Variants in POU2F1 observed in about 807,000 individuals in gnomAD.
The protein encoded by POU2F1 is POU domain, class 2, transcription factor 1.
A neutral mutation model predicts 84.9 loss-of-function variants in POU2F1; 16 were observed. The observed-to-expected ratio is 0.19, with a 90% CI of 0.13 to 0.29. POU2F1 has a LOEUF of 0.29. Ranked by LOEUF, POU2F1 falls within the 10% of genes least tolerant of loss-of-function variation. The probability of loss-of-function intolerance (pLI) is 1.00; values close to 1 mark genes in which losing one functional copy is unlikely to be tolerated. For synonymous variants in POU2F1, 368 were observed against 368.3 expected, an observed-to-expected ratio of 1.00 and a Z score of 0.01; for missense variants, 738 against 942.6, an observed-to-expected ratio of 0.78 and a Z score of 2.84.
rs1361904733 is a variant in POU2F1 at position 167,421,332 on chromosome 1, C to T, written c.*5522C>T. ...AATAAATTGCTTTCATCATAAAGGC[C>T]AATCATCCATTTCTTAGTCCAAGGA... is the stretch of plus-strand genomic sequence containing the variant. On this transcript the variant is annotated 3_prime_UTR_variant, in exon 16 of 16. Transcript: ENST00000367866. The T allele has an allele frequency of 6.6e-6, 1 of 152,126 alleles. No individual in the cohort carries two copies. Among genetic ancestry groups the T allele is most frequent in the Non-Finnish European group, 1.5e-5 (1 of 68,030 alleles). 9.4% of individuals were successfully genotyped at this position (152,126 alleles called of 1,614,324 possible). A position where few individuals can be genotyped will look rare whatever the true frequency, so the allele number is the denominator to read the frequency against.
chr1:167,353,931 T>C (rs1658764006), intron 2 of POU2F1, among the ~76,000 whole-genome samples: 1 of 152,228 alleles, frequency 6.6e-6, no homozygotes, highest in African/African-American at 2.4e-5. Context: ...GTGACATTGC[T>C]TTTCACTCAA....
intron 2 of POU2F1, among the ~76,000 whole-genome samples, chr1:167,358,282 A>C (rs948125773): frequency 6.6e-6 from 1 of 151,806 alleles, no homozygotes; most frequent in Non-Finnish European, 1.5e-5. Flanking sequence ...AATATTTTAT[A>C]TTAGTAGATT....
intron 1 of POU2F1, among the ~76,000 whole-genome samples, chr1:167,305,599 A>G (rs954377312): frequency 6.6e-6 from 1 of 152,218 alleles, no homozygotes; most frequent in Non-Finnish European, 1.5e-5. Flanking sequence ...TTTTAGTTAC[A>G]TGAATTTTAG....
intron 1 of POU2F1, among the ~76,000 whole-genome samples, chr1:167,250,071 C>A (rs1650607196): frequency 6.6e-6 from 1 of 151,824 alleles, no homozygotes; most frequent in African/African-American, 2.4e-5. Flanking sequence ...GTATCAAATT[C>A]TTTTGTGTGT....
At chr1:167,225,029 G>T (rs1335246461) in intron 1 of POU2F1, among the ~76,000 whole-genome samples, 1 of 151,622 alleles carries the variant, frequency 6.6e-6, no homozygotes, top group African/African-American at 2.4e-5. Context: ...GGGTTTCACC[G>T]TGTTGGCCAG....
intron 1 of POU2F1, among the ~76,000 whole-genome samples, chr1:167,252,113 C>T (rs183843608): frequency 7.9e-5 from 12 of 152,128 alleles, no homozygotes; most frequent in South Asian, 2.1e-4. Context: ...CCACCTGCCT[C>T]GGCCTCCCAA....
At position 167,424,911 on chromosome 1, in the gene POU2F1, C is replaced by CCT. The variant is rs1373829604; in HGVS notation, c.*9103_*9104dup. The CCT allele has an allele frequency of 1.3e-5, 2 of 152,126 alleles. No individual in the cohort carries two copies. Among genetic ancestry groups the CCT allele is most frequent in the African/African-American group, 4.8e-5 (2 of 41,408 alleles). The allele number at this position is 152,126 out of a possible 1,614,324, so 9.4% of individuals were successfully genotyped here. ...GAGGCCAACCCCTTCTCCTCTGAGG[C>CCT]CTCAGGGTTCTGTTTCTTTTCAGGA... On this transcript the variant is annotated 3_prime_UTR_variant, in exon 16 of 16. Coordinates refer to ENST00000367866, the MANE Select transcript of POU2F1 (RefSeq NM_002697.4).
Position 167,370,201 on chromosome 1 carries a change from C to A in POU2F1, c.269C>A (p.Ser90Tyr). 6.2e-7 allele frequency: 1 copy of A among 1,604,402 alleles called. No homozygotes were observed. Among genetic ancestry groups the A allele is most frequent in the Non-Finnish European group, 8.5e-7 (1 of 1,173,450 alleles). ...AGTSLQAAAQ[S>Y]LNVQSKSNEE... ...ACAAGTTTACAGGCTGCTGCTCAGT[C>A]TTTAAATGTACAGGTAAGCTGGGAC... The change falls in exon 4 of 16, where the codon TCT becomes TAT. Residue 90 changes from serine to tyrosine, a missense_variant. Ser to Tyr is a moderately radical substitution (Grantham distance 144, BLOSUM62 -2). Around this residue, in one of 4 missense-constraint regions of POU2F1, gnomAD observed 161 missense variants for 147.0 expected, o/e 1.10. Coordinates refer to ENST00000367866, the MANE Select transcript of POU2F1 (RefSeq NM_002697.4).
At chr1:167,316,676 T>G (rs545163706) in intron 1 of POU2F1, among the ~76,000 whole-genome samples, 1 of 152,332 alleles carries the variant, frequency 6.6e-6, no homozygotes, top group Admixed American at 6.5e-5. Context: ...GTTACCCTTG[T>G]GGTGTCACAC....
chr1:167,393,126 G>C (rs75461314), intron 9 of POU2F1, among the ~76,000 whole-genome samples: 1 of 151,900 alleles, frequency 6.6e-6, no homozygotes, highest in Non-Finnish European at 1.5e-5. Flanking sequence ...TTCCTTTTTT[G>C]TTATGTTCTT....
intron 2 of POU2F1, among the ~76,000 whole-genome samples, chr1:167,343,582 C>T (rs1657995829): frequency 1.4e-5 from 2 of 146,102 alleles, no homozygotes; most frequent in African/African-American, 5.1e-5. Flanking sequence ...CAATTAGATC[C>T]ATTATATAAC....
chr1:167,398,956 A>G (rs928260162), intron 11 of POU2F1, among the ~76,000 whole-genome samples: 6 of 152,344 alleles, frequency 3.9e-5, no homozygotes, highest in South Asian at 4.1e-4. Flanking sequence ...GATCTTAAAA[A>G]TGAAAAACTA....
At chr1:167,374,670 C>T (rs1055884133) in intron 6 of POU2F1, among the ~76,000 whole-genome samples, 21 of 152,106 alleles carry the variant, frequency 1.4e-4, no homozygotes, top group African/African-American at 5.1e-4. Flanking sequence ...ATGTGTGAGA[C>T]AGTGAGTCAT....
At chr1:167,400,394 G>A (rs1254242265) in intron 12 of POU2F1, among the ~76,000 whole-genome samples, 1 of 152,146 alleles carries the variant, frequency 6.6e-6, no homozygotes, top group Non-Finnish European at 1.5e-5. Context: ...CTGTAACCAT[G>A]GGAGTAAATT....
chr1:167,227,337 T>G (rs1260609806), intron 1 of POU2F1, among the ~76,000 whole-genome samples: 1 of 152,160 alleles, frequency 6.6e-6, no homozygotes, highest in African/African-American at 2.4e-5. Flanking sequence ...TAATAATAAT[T>G]ATTATGGCAG....
intron 1 of POU2F1, among the ~76,000 whole-genome samples, chr1:167,321,527 T>C (rs1656309554): frequency 6.6e-6 from 1 of 152,202 alleles, no homozygotes; most frequent in South Asian, 2.1e-4. Context: ...CATTTTTTCT[T>C]AATAACAAAG....
chr1:167,351,048 T>C (rs529268541), intron 2 of POU2F1, among the ~76,000 whole-genome samples: 1 of 151,936 alleles, frequency 6.6e-6, no homozygotes, highest in South Asian at 2.1e-4. Context: ...AAAAGGTTGA[T>C]CTGTTTTGAA....
At chr1:167,250,016 C>T (rs1650602464) in intron 1 of POU2F1, among the ~76,000 whole-genome samples, 1 of 152,008 alleles carries the variant, frequency 6.6e-6, no homozygotes, top group Admixed American at 6.6e-5. Flanking sequence ...TTCTTGTTTG[C>T]ATAGAATAAT....
rs560017999 is a variant in POU2F1 at position 167,246,112 on chromosome 1, A to C, written c.61+25154A>C. Among the ~76,000 whole-genome samples the C allele has an allele frequency of 6.6e-5, 10 of 152,370 alleles. No individual in the cohort carries two copies. In the South Asian group the frequency reaches 2.1e-3, roughly 32 times the overall value. On this transcript the variant is annotated intron_variant, in intron 1 of 15. Coordinates refer to ENST00000367866, the MANE Select transcript of POU2F1 (RefSeq NM_002697.4). ...AAAAATAGAAGTAATGATAATAATGATAGAACATTAAACAACAAATGAGCC... is the reference window on the plus strand; with the variant it reads ...AAAAATAGAAGTAATGATAATAATGCTAGAACATTAAACAACAAATGAGCC...
Sources: gnomAD v4.1 joint callset for allele counts (sites outside exome capture counted in the v4.1 genomes callset) on GRCh38, gnomAD v4.1.1 for gene constraint, gnomAD v4.1.1 regional missense constraint, MANE v1.5 for transcripts, NCBI Gene and HGNC (gene_info 2026-07-23, HGNC 2026-07-21) for gene names.